The following PHIP variants were observed in gnomAD, a reference collection of about 807,000 sequenced individuals.
PHIP encodes PHIP subunit of CUL4-Ring ligase complex, also known as PH-interacting protein.
A neutral mutation model predicts 236.8 loss-of-function variants in PHIP; 54 were observed. The ratio of observed to expected loss-of-function variants is 0.23; its 90% CI spans 0.18 to 0.29. The LOEUF (loss-of-function observed/expected upper bound fraction) is 0.29, where lower values mean the gene tolerates loss of function less well. Ranked by LOEUF, PHIP falls within the 10% of genes least tolerant of loss-of-function variation. The probability of loss-of-function intolerance (pLI) is 1.00; values close to 1 mark genes in which losing one functional copy is unlikely to be tolerated. For synonymous variants in PHIP, 756 were observed against 718.9 expected (o/e 1.05, Z -0.83); for missense variants, 1,370 against 2,190.8 (o/e 0.63, Z 7.48).
rs199694542 is a variant in PHIP at position 79,025,899 on chromosome 6, TAAC to T, written c.822+41_822+43del. 2,468 of 1,334,336 alleles carry T rather than the reference TAAC, an allele frequency of 1.8e-3. 7 individuals carry two copies. Among genetic ancestry groups the T allele is most frequent in the African/African-American group, 9.6e-3 (658 of 68,532 alleles). 82.7% of individuals were successfully genotyped at this position (1,334,336 alleles called of 1,614,324 possible). On this transcript the variant is annotated intron_variant, in intron 8 of 39. Transcript: ENST00000275034. ...ACTTCATTAAATTTACTTTACATTA[TAAC>T]AACAACAACAACAACAATGTATAGG...
At chr6:79,069,255 C>T (rs1773773799) in intron 4 of PHIP, among the ~76,000 whole-genome samples, 1 of 149,720 alleles carries the variant, frequency 6.7e-6, no homozygotes, top group Non-Finnish European at 1.5e-5. Context: ...TGTGTAAGGC[C>T]TATATTAAAA....
intron 15 of PHIP, among the ~76,000 whole-genome samples, chr6:79,012,054 A>C (rs1262864768): frequency 1.3e-5 from 2 of 151,670 alleles, no homozygotes; most frequent in Non-Finnish European, 3.0e-5. Context: ...TTTTAACATA[A>C]CAGGATTTTT....
chr6:79,040,917 T>C (rs548007801), intron 7 of PHIP, among the ~76,000 whole-genome samples: 2 of 152,168 alleles, frequency 1.3e-5, no homozygotes, highest in South Asian at 2.1e-4. Context: ...CCATATAAAA[T>C]AGTACAGTGC....
intron 6 of PHIP, among the ~76,000 whole-genome samples, chr6:79,049,739 T>C (rs1160326458): frequency 6.6e-6 from 1 of 152,112 alleles, no homozygotes; most frequent in Non-Finnish European, 1.5e-5. Context: ...TCCAAGAAAA[T>C]AATGCTATAT....
At chr6:79,036,921 CAAAAAAAAA>C (rs34875528) in intron 7 of PHIP, among the ~76,000 whole-genome samples, 3 of 38,950 alleles carry the variant, frequency 7.7e-5, no homozygotes, top group Admixed American at 3.6e-4. Flanking sequence ...GACTCCGTCT[CAAAAAAAAA>C]AAAAAAAAAA....
At chr6:79,064,046 CTT>C (rs780079807) in intron 4 of PHIP, among the ~76,000 whole-genome samples, 23 of 152,202 alleles carry the variant, frequency 1.5e-4, no homozygotes, top group Non-Finnish European at 2.8e-4. Flanking sequence ...AAAGCTGAAG[CTT>C]TGTTTCTTCC....
chr6:79,005,225 T>C (rs1016024780), intron 15 of PHIP, among the ~76,000 whole-genome samples: 2 of 151,484 alleles, frequency 1.3e-5, no homozygotes, highest in African/African-American at 4.8e-5. Flanking sequence ...ATATCTCGAG[T>C]GTGAAGAAAG....
intron 33 of PHIP, 145 bp from the exon 34 acceptor site, chr6:78,955,427 TCCC>T: frequency 6.4e-6 from 4 of 627,370 alleles, no homozygotes; most frequent in Non-Finnish European, 1.0e-5. Context: ...TTAAAAAGGT[TCCC>T]CCCATTAAAA....
intron 7 of PHIP, among the ~76,000 whole-genome samples, chr6:79,035,130 C>G (rs540819697): frequency 1.3e-5 from 2 of 152,166 alleles, no homozygotes; most frequent in East Asian, 1.9e-4. Context: ...ACTGTGCATG[C>G]CCAGGGACAT....
At chr6:78,979,306 CACA>C (rs1226274263) in intron 23 of PHIP, among the ~76,000 whole-genome samples, 2 of 152,070 alleles carry the variant, frequency 1.3e-5, no homozygotes, top group Non-Finnish European at 2.9e-5. Context: ...AGCCAACACT[CACA>C]ACAAGGTAAC....
chr6:79,069,483 C>T (rs1773786621), intron 4 of PHIP, among the ~76,000 whole-genome samples: 2 of 152,088 alleles, frequency 1.3e-5, no homozygotes, highest in Admixed American at 1.3e-4. Flanking sequence ...ACTACTCTCC[C>T]TATTTCATAC....
rs1318083532 is a variant in PHIP, at chr6:79,059,492, T to C, written c.439+986A>G. Reference sequence around the variant, plus strand: ...ATGATTATATGTAAATGACTAAATGTTCCAGATAAAACACAGATTATCATA... The same window carrying C: ...ATGATTATATGTAAATGACTAAATGCTCCAGATAAAACACAGATTATCATA... On this transcript the variant is annotated intron_variant, in intron 6 of 39. Coordinates refer to ENST00000275034, the MANE Select transcript of PHIP (RefSeq NM_017934.7). Among the ~76,000 whole-genome samples, 4 of 150,986 alleles carry C rather than the reference T, an allele frequency of 2.6e-5. No individual in the cohort carries two copies. In the Admixed American group the frequency reaches 2.6e-4, roughly 10 times the overall value.
chr6:79,039,726 G>A (rs1018306259), intron 7 of PHIP, among the ~76,000 whole-genome samples: 9 of 152,028 alleles, frequency 5.9e-5, no homozygotes, highest in Non-Finnish European at 1.2e-4. Flanking sequence ...TTTATATGGC[G>A]TTCCATGTAC....
chr6:79,065,997 T>C (rs1043357156), intron 4 of PHIP, among the ~76,000 whole-genome samples: 21 of 152,202 alleles, frequency 1.4e-4, no homozygotes, highest in African/African-American at 3.8e-4. Flanking sequence ...GCTTTTAATT[T>C]AAATTAGCTT....
chr6:79,009,945 C>T (rs548069290), intron 15 of PHIP, among the ~76,000 whole-genome samples: 2 of 151,508 alleles, frequency 1.3e-5, no homozygotes, highest in African/African-American at 4.8e-5. Flanking sequence ...GTAAGAAGAC[C>T]GAAAGTACTT....
At position 78,939,587 on chromosome 6, in the gene PHIP, T is replaced by G. The variant is rs529328149; in HGVS notation, c.*1106A>C. On this transcript the variant is annotated 3_prime_UTR_variant, in exon 40 of 40. Coordinates refer to ENST00000275034, the MANE Select transcript of PHIP (RefSeq NM_017934.7). ...TGGGTAATAGTATATAAGTATGTGT[T>G]TGTATATATATTTAATTATACCCAT... The G allele has an allele frequency of 2.6e-5, 4 of 152,022 alleles. No individual in the cohort carries two copies. The highest frequency in any genetic ancestry group is 4.4e-5 in the Non-Finnish European group (3 of 67,804). The allele number at this position is 152,022 out of a possible 1,614,324, so 9.4% of individuals were successfully genotyped here.
chr6:79,023,368 G>C (rs1771228042), intron 9 of PHIP, among the ~76,000 whole-genome samples: 1 of 152,078 alleles, frequency 6.6e-6, no homozygotes, highest in Non-Finnish European at 1.5e-5. Context: ...AAAGTCCTGG[G>C]ATTAGATAAG....
chr6:78,981,428 C>T (rs2127717496), intron 23 of PHIP, among the ~76,000 whole-genome samples: 2 of 152,096 alleles, frequency 1.3e-5, no homozygotes, highest in Middle Eastern at 3.4e-3. Context: ...CCTCCAGTAT[C>T]CTAACCTTAC....
In PHIP at chr6:78,955,573, G is replaced by C. The variant is rs756170263; in HGVS notation, c.3852+40C>G. On this transcript the variant is annotated intron_variant, in intron 33 of 39. Coordinates refer to ENST00000275034, the MANE Select transcript of PHIP (RefSeq NM_017934.7). ...TACAATATGTAAATTTTTTTATATA[G>C]AGAATATCAATATGGTAATAATAAT... is the stretch of plus-strand genomic sequence containing the variant. 5.9e-6 allele frequency: 4 copies of C among 682,396 alleles called. No homozygotes were observed. The South Asian group carries it at 7.4e-5, about 13-fold the overall frequency. 42.3% of individuals were successfully genotyped at this position (682,396 alleles called of 1,614,324 possible).
Sources: gnomAD v4.1 joint callset for allele counts (sites outside exome capture counted in the v4.1 genomes callset) on GRCh38, gnomAD v4.1.1 for gene constraint, MANE v1.5 for transcripts, NCBI Gene and HGNC (gene_info 2026-07-23, HGNC 2026-07-21) for gene names.